The following TF variants were observed in gnomAD, a reference collection of about 807,000 sequenced individuals.
TF encodes the protein serotransferrin.
A neutral mutation model predicts 82.4 loss-of-function variants in TF; 55 were observed. The ratio of observed to expected loss-of-function variants is 0.67; its 90% CI spans 0.54 to 0.84. The LOEUF is 0.84. TF is among the 40% of genes least tolerant of loss of function. The pLI is 0.00. For missense variants in TF, 737 were observed against 868.4 expected (o/e 0.85, Z 1.90); for synonymous variants, 332 against 332.6 (o/e 1.00, Z 0.02).
the TF span, among the ~76,000 whole-genome samples, chr3:133,664,497 A>T: frequency 6.6e-6 from 1 of 151,850 alleles, no homozygotes; most frequent in Non-Finnish European, 1.5e-5. Flanking sequence ...TAATTTTTGC[A>T]TTTTTAGTGG....
At chr3:133,721,149 G>A in the TF span, among the ~76,000 whole-genome samples, 96 of 151,906 alleles carry the variant, frequency 6.3e-4, no homozygotes, top group Non-Finnish European at 1.2e-3. Context: ...GGTTTAGTTT[G>A]TTCTTGTTTT....
chr3:133,664,414 C>CG, the TF span, among the ~76,000 whole-genome samples: 1 of 152,136 alleles, frequency 6.6e-6, no homozygotes, highest in Non-Finnish European at 1.5e-5. Context: ...CCTCCACCCC[C>CG]GGGGTTCAAG....
the TF span, among the ~76,000 whole-genome samples, chr3:133,715,592 T>C: frequency 6.6e-6 from 1 of 152,164 alleles, no homozygotes; most frequent in African/African-American, 2.4e-5. Flanking sequence ...CCTCTCCCAT[T>C]TCTCCTCTTC....
At chr3:133,737,895 C>T in the TF span, among the ~76,000 whole-genome samples, 1 of 152,184 alleles carries the variant, frequency 6.6e-6, no homozygotes, top group African/African-American at 2.4e-5. Context: ...CAAAGAAGAG[C>T]TGGTACCATT....
the TF span, among the ~76,000 whole-genome samples, chr3:133,729,363 C>T: frequency 9.2e-5 from 14 of 152,332 alleles, 1 homozygote; most frequent in Middle Eastern, 3.4e-3. Flanking sequence ...TGGGCAATGG[C>T]GGGCGCCCCT....
intron 12 of TF, 95 bp from the exon 13 acceptor site, chr3:133,767,934 T>C (rs995071100): frequency 9.5e-6 from 14 of 1,471,234 alleles, no homozygotes; most frequent in Non-Finnish European, 1.2e-5. Flanking sequence ...GAATATGTTC[T>C]ACTTATTATG....
chr3:133,770,678 C>T, intron 14 of TF, 106 bp downstream of exon 14: 1 of 1,142,212 alleles, frequency 8.8e-7, no homozygotes, highest in African/African-American at 1.5e-5. Context: ...CACTGTCAGA[C>T]TTCAAAGCTC....
chr3:133,705,344 C>T, the TF span, among the ~76,000 whole-genome samples: 1 of 152,124 alleles, frequency 6.6e-6, no homozygotes, highest in East Asian at 1.9e-4. Flanking sequence ...CTTTCTGACT[C>T]CCTGGACTGG....
At chr3:133,745,391 G>A (rs146889086), upstream of TF, among the ~76,000 whole-genome samples, 41 of 152,304 alleles carry the variant, frequency 2.7e-4, no homozygotes, top group South Asian at 3.3e-3. Flanking sequence ...GTATAAGGCC[G>A]CATAAGCAAA....
chr3:133,691,200 G>T, the TF span, among the ~76,000 whole-genome samples: 13 of 152,308 alleles, frequency 8.5e-5, no homozygotes, highest in South Asian at 2.5e-3. Context: ...TTGTGGAGAA[G>T]AGGCTGTGAA....
chr3:133,679,843 C>G, the TF span, among the ~76,000 whole-genome samples: 1 of 152,156 alleles, frequency 6.6e-6, no homozygotes, highest in African/African-American at 2.4e-5. Flanking sequence ...ATTACTGGGT[C>G]ATACTGGTAA....
chr3:133,721,619 A>T, the TF span, among the ~76,000 whole-genome samples: 9 of 152,162 alleles, frequency 5.9e-5, no homozygotes, highest in African/African-American at 1.9e-4. Flanking sequence ...TGATGCAGTT[A>T]AAGTCTTTTT....
At chr3:133,774,713 T>TA (rs1476093111) in intron 14 of TF, 2 of 200,904 alleles carry the variant, frequency 1.0e-5, no homozygotes, top group Non-Finnish European at 2.1e-5. Context: ...TCTCATGTAT[T>TA]AGTTATTCGG....
At chr3:133,734,236 G>A in the TF span, among the ~76,000 whole-genome samples, 8 of 152,246 alleles carry the variant, frequency 5.3e-5, no homozygotes, top group African/African-American at 1.9e-4. Context: ...TCTGCAACAA[G>A]AATTACCACA....
chr3:133,717,578 A>G, the TF span, among the ~76,000 whole-genome samples: 1 of 152,178 alleles, frequency 6.6e-6, no homozygotes, highest in Non-Finnish European at 1.5e-5. Flanking sequence ...CAAAGACCAT[A>G]GTGTATTCGT....
At chr3:133,721,016 T>C in the TF span, among the ~76,000 whole-genome samples, 1 of 152,132 alleles carries the variant, frequency 6.6e-6, no homozygotes, top group South Asian at 2.1e-4. Flanking sequence ...GGTTTCTCAA[T>C]TTGGTTTACC....
the TF span, chr3:133,691,899 GGC>G: frequency 6.5e-6 from 1 of 153,022 alleles, no homozygotes; most frequent in African/African-American, 2.4e-5. Context: ...GGGTGGCAGG[GGC>G]CCTGTCAGCA....
chr3:133,759,363 C>T (rs1205530750), intron 9 of TF, 34 bp downstream of exon 9: 2 of 1,610,986 alleles, frequency 1.2e-6, no homozygotes, highest in Non-Finnish European at 1.7e-6. Flanking sequence ...GGCAGCGTCC[C>T]TGTCATTGCT....
In TF at chr3:133,783,056, C is replaced by T. The variant is rs1934556796; in HGVS notation, c.*4436C>T. ...CCAAGTAGCAGATATGCATGATGAA[C>T]AAGCCTAGAGATCTAATGTACAACA... On this transcript the variant is annotated 3_prime_UTR_variant, in exon 17 of 17. Coordinates refer to ENST00000402696, the MANE Select transcript of TF (RefSeq NM_001063.4). 1 of 152,134 alleles carries T rather than the reference C, an allele frequency of 6.6e-6. No homozygotes were observed. The highest frequency in any genetic ancestry group is 2.4e-5 in the African/African-American group (1 of 41,416). The allele number at this position is 152,134 out of a possible 1,614,324, so 9.4% of individuals were successfully genotyped here.
Sources: allele counts gnomAD v4.1 joint callset (sites outside exome capture counted in the v4.1 genomes callset), GRCh38; gene constraint gnomAD v4.1.1; transcripts MANE v1.5; gene names NCBI Gene and HGNC (gene_info 2026-07-23, HGNC 2026-07-21).